The following ATP9A variants were observed in gnomAD, a reference collection of about 807,000 sequenced individuals.
ATP9A encodes probable phospholipid-transporting ATPase IIA.
A neutral mutation model predicts 144.1 loss-of-function variants in ATP9A; 52 were observed. The observed-to-expected ratio is 0.36, with a 90% CI of 0.29 to 0.45. The LOEUF (loss-of-function observed/expected upper bound fraction) is 0.45, where lower values mean the gene tolerates loss of function less well. Ranked by LOEUF, ATP9A falls within the 20% of genes least tolerant of loss-of-function variation. The pLI, the probability that ATP9A is intolerant of heterozygous loss-of-function variation, is 1.00. For missense variants in ATP9A, 947 were observed against 1,392.7 expected (o/e 0.68, Z 5.09); for synonymous variants, 582 against 557.4 (o/e 1.04, Z -0.62).
At chr20:51,723,400 G>GA (rs963950191) in intron 3 of ATP9A, among the ~76,000 whole-genome samples, 2 of 150,906 alleles carry the variant, frequency 1.3e-5, no homozygotes, top group South Asian at 2.1e-4. Flanking sequence ...TAACCTATAG[G>GA]AAAAAAAATG....
At chr20:51,753,698 G>A (rs1394698563) in intron 1 of ATP9A, among the ~76,000 whole-genome samples, 2 of 138,036 alleles carry the variant, frequency 1.4e-5, no homozygotes, top group African/African-American at 2.8e-5. Flanking sequence ...ACTGAGCCTC[G>A]CTCTGTCACC....
intron 1 of ATP9A, among the ~76,000 whole-genome samples, chr20:51,737,656 T>C (rs1156657137): frequency 2.0e-5 from 3 of 152,340 alleles, no homozygotes; most frequent in East Asian, 3.9e-4. Context: ...CTTGTACTTT[T>C]TGCTGTACCC....
intron 13 of ATP9A, among the ~76,000 whole-genome samples, chr20:51,662,841 C>G (rs765439215): frequency 3.9e-5 from 6 of 151,932 alleles, no homozygotes; most frequent in Non-Finnish European, 7.4e-5. Context: ...GAGGCTGAGG[C>G]GGGCGGATCA....
At chr20:51,714,406 G>C in intron 3 of ATP9A, among the ~76,000 whole-genome samples, 1 of 151,910 alleles carries the variant, frequency 6.6e-6, no homozygotes. Flanking sequence ...CATTGTTACA[G>C]AGTCTCACTC....
At chr20:51,729,073 C>A (rs1007442740) in intron 2 of ATP9A, among the ~76,000 whole-genome samples, 2 of 152,190 alleles carry the variant, frequency 1.3e-5, no homozygotes, top group Non-Finnish European at 2.9e-5. Flanking sequence ...AAAATTCTCT[C>A]TATAGATGGT....
At position 51,702,365 on chromosome 20, in the gene ATP9A, CGTGTGTGTGT is replaced by C. The variant is rs10578719; in HGVS notation, c.437-4893_437-4884del. Among the ~76,000 whole-genome samples the C allele has an allele frequency of 3.3e-4, 43 of 130,302 alleles. 1 individual carries two copies. Among genetic ancestry groups the C allele is most frequent in the East Asian group, 1.7e-3 (8 of 4,622 alleles). 85.5% of individuals were successfully genotyped at this position (130,302 alleles called of 152,430 possible). A position where few individuals can be genotyped will look rare whatever the true frequency, so the allele number is the denominator to read the frequency against. ...CTTCATGCTTCATGGTGTGTGTGTT[CGTGTGTGTGT>C]GTGTGTGTGTGTGTGTGTGTGTGTG... On this transcript the variant is annotated intron_variant, in intron 4 of 27. Coordinates refer to ENST00000338821, the MANE Select transcript of ATP9A (RefSeq NM_006045.3).
chr20:51,660,702 T>TG (rs1158223215), intron 13 of ATP9A, among the ~76,000 whole-genome samples: 3 of 152,370 alleles, frequency 2.0e-5, no homozygotes, highest in Admixed American at 2.0e-4. Context: ...CTTAAGGCAC[T>TG]GAAACTGACC....
rs566045617 is a variant in ATP9A at position 51,656,087 on chromosome 20, G to A, written c.1506+851C>T. 3.3e-5 allele frequency among the ~76,000 whole-genome samples: 5 copies of A among 152,194 alleles called. No homozygotes were observed. The South Asian group carries it at 1.0e-3, about 32-fold the overall frequency. On this transcript the variant is annotated intron_variant, in intron 14 of 27. Transcript: ENST00000338821. ...AGTGTCTGTCATAGGCAAATCTATA[G>A]AGGTAGAAAGTAGATTAGTGGGTGC...
chr20:51,765,642 C>CA lies in ATP9A; in HGVS notation c.68+2659dup, dbSNP rs1164927794. On this transcript the variant is annotated intron_variant, in intron 1 of 27. Transcript: ENST00000338821. ...TGGCAACAAGAGTGAAGCTACATCT[C>CA]AAAAAAAAAAAACAGAATTAGATTA... Among the ~76,000 whole-genome samples the CA allele has an allele frequency of 8.1e-3, 893 of 110,358 alleles. 29 individuals are homozygous for CA. The highest frequency in any genetic ancestry group is 0.024 in the East Asian group (101 of 4,128). The allele number at this position is 110,358 out of a possible 152,430, so 72.4% of individuals were successfully genotyped here.
chr20:51,711,372 C>G (rs1413346584), intron 4 of ATP9A, among the ~76,000 whole-genome samples: 1 of 152,018 alleles, frequency 6.6e-6, no homozygotes, highest in Non-Finnish European at 1.5e-5. Context: ...AAAAGGAAAA[C>G]TCTACTGAAA....
At chr20:51,609,526 A>G (rs1828874170) in intron 24 of ATP9A, among the ~76,000 whole-genome samples, 1 of 152,186 alleles carries the variant, frequency 6.6e-6, no homozygotes, top group African/African-American at 2.4e-5. Flanking sequence ...ACATTCTCTG[A>G]AAAGGTCAGA....
At chr20:51,759,651 C>A (rs1009233393) in intron 1 of ATP9A, among the ~76,000 whole-genome samples, 5 of 151,788 alleles carry the variant, frequency 3.3e-5, no homozygotes, top group African/African-American at 9.7e-5. Flanking sequence ...CCATCCTGGG[C>A]GACAAGAGCA....
intron 1 of ATP9A, among the ~76,000 whole-genome samples, chr20:51,733,624 T>G (rs2122879333): frequency 6.6e-6 from 1 of 152,200 alleles, no homozygotes; most frequent in Non-Finnish European, 1.5e-5. Context: ...CCGCCTGCCT[T>G]GGCCTCCCAA....
Position 51,696,146 on chromosome 20 carries a change from T to C in ATP9A, c.496-2A>G. 1 of 1,613,874 alleles carries C rather than the reference T, an allele frequency of 6.2e-7. No individual in the cohort carries two copies. Among genetic ancestry groups the C allele is most frequent in the Non-Finnish European group, 8.5e-7 (1 of 1,179,734 alleles). On this transcript the variant is annotated splice_acceptor_variant, in intron 5 of 27. Transcript: ENST00000338821. LOFTEE classifies it high-confidence loss of function. ...CATGTCGGCAGGGACCCGCTGGTTC[T>C]GTGTTATGAAAAGAAAGACTGTTAC...
At chr20:51,712,102 T>C (rs1258227050) in intron 4 of ATP9A, among the ~76,000 whole-genome samples, 4 of 145,258 alleles carry the variant, frequency 2.8e-5, no homozygotes, top group Non-Finnish European at 4.5e-5. Context: ...AGATGGAGTC[T>C]CGCTCTGTCG....
Position 51,599,694 on chromosome 20 carries a change from C to T in ATP9A, c.*1517G>A, listed in dbSNP as rs1244213796. The T allele has an allele frequency of 3.3e-5, 5 of 152,162 alleles. No individual in the cohort carries two copies. The highest frequency in any genetic ancestry group is 3.3e-4 in the Admixed American group (5 of 15,274). The allele number at this position is 152,162 out of a possible 1,614,324, so 9.4% of individuals were successfully genotyped here. On this transcript the variant is annotated 3_prime_UTR_variant, in exon 28 of 28. Coordinates refer to ENST00000338821, the MANE Select transcript of ATP9A (RefSeq NM_006045.3). Reference sequence around the variant, plus strand: ...AGGGACTATCTGATCCTCGTGTCTCCAGCTCTCCAAGAGCAGGAGTTAGTA... The same window carrying T: ...AGGGACTATCTGATCCTCGTGTCTCTAGCTCTCCAAGAGCAGGAGTTAGTA...
intron 9 of ATP9A, among the ~76,000 whole-genome samples, chr20:51,682,577 C>CTTTTTTTTTTTTTTTTTTTTTTTTTTTT (rs60505207): frequency 5.7e-5 from 2 of 35,076 alleles, no homozygotes; most frequent in Non-Finnish European, 1.1e-4. Flanking sequence ...TTCACTGTAT[C>CTTTTTTTTTTTTTTTTTTTTTTTTTTTT]TTTTTTTTTT....
At chr20:51,702,291 C>CA (rs568902724) in intron 4 of ATP9A, among the ~76,000 whole-genome samples, 10,642 of 101,042 alleles carry the variant, frequency 0.11, 705 homozygotes, top group East Asian at 0.22. Context: ...GACTCTGTCT[C>CA]AAAAAAAAAA....
intron 1 of ATP9A, among the ~76,000 whole-genome samples, chr20:51,761,490 C>G (rs6013274): frequency 0.65 from 98,539 of 151,978 alleles, 32,599 homozygotes; most frequent in African/African-American, 0.77. Flanking sequence ...GGCCGGGCGC[C>G]GTGGCTCACG....
Sources: gnomAD v4.1 joint callset for allele counts (sites outside exome capture counted in the v4.1 genomes callset) on GRCh38, gnomAD v4.1.1 for gene constraint, MANE v1.5 for transcripts, NCBI Gene and HGNC (gene_info 2026-07-23, HGNC 2026-07-21) for gene names.